ITIH1: variants seen among roughly 807,000 people sequenced by gnomAD.
ITIH1 encodes inter-alpha-trypsin inhibitor heavy chain 1.
Under a neutral mutation model 104.6 loss-of-function variants are expected in ITIH1, and 94 were observed. The observed-to-expected ratio is 0.90, with a 90% CI of 0.76 to 1.07. The LOEUF (loss-of-function observed/expected upper bound fraction) is 1.07. Among genes scored for constraint, ITIH1 ranks in the 50% least tolerant of loss-of-function variants. The probability of loss-of-function intolerance (pLI) is 0.00; values close to 1 mark genes in which losing one functional copy is unlikely to be tolerated. For missense variants in ITIH1, 1,193 were observed against 1,181.4 expected (o/e 1.01, Z -0.14); for synonymous variants, 455 against 464.4 (o/e 0.98, Z 0.26).
At position 52,787,195 on chromosome 3, in the gene ITIH1, G is replaced by T; in HGVS notation, c.1896G>T (p.Pro632=). ...PTIDKPSEDS[P]PLEMLGPRRT... ...TCTTTCTCTCCCTTCCAGATTCTCCGCCTTTGGGTGAGTTTTAAATTGCAT... is the reference window on the plus strand; with the variant it reads ...TCTTTCTCTCCCTTCCAGATTCTCCTCCTTTGGGTGAGTTTTAAATTGCAT... Residue 632 remains proline, a synonymous_variant, in exon 15 of 22, where the codon CCG becomes CCT. Transcript: ENST00000273283. 6.2e-7 allele frequency: 1 copy of T among 1,614,004 alleles called. No individual in the cohort carries two copies. Among genetic ancestry groups the T allele is most frequent in the Non-Finnish European group, 8.5e-7 (1 of 1,180,024 alleles).
In ITIH1 at chr3:52,780,400, G is replaced by C. The variant is rs1373030500; in HGVS notation, c.687+18G>C. ...GAAAAAAGGTACATGGGATAGCAAG[G>C]GGGTGGTGGTGGGCCCTTTGGAGAC... On this transcript the variant is annotated intron_variant, in intron 6 of 21. Transcript: ENST00000273283. 6.3e-7 allele frequency: 1 copy of C among 1,578,148 alleles called. No homozygotes were observed. Among genetic ancestry groups the C allele is most frequent in the African/African-American group, 1.3e-5 (1 of 74,156 alleles).
chr3:52,783,050 G>T lies in ITIH1; in HGVS notation c.1024G>T (p.Gly342Cys), dbSNP rs1440048149. The T allele has an allele frequency of 6.2e-7, 1 of 1,613,978 alleles. No individual in the cohort carries two copies. ...LFGTRVQSWKGSLVQASEANL... is the reference protein window; with the variant it reads ...LFGTRVQSWKCSLVQASEANL... ...TGGGACTCGAGTACAATCGTGGAAG[G>T]GCTCGCTGGTGCAAGCATCTGAGGC... is the stretch of plus-strand genomic sequence containing the variant. Residue 342 changes from glycine to cysteine, a missense_variant, in exon 9 of 22, where the codon GGC becomes TGC. Gly to Cys is a radical substitution (Grantham distance 159, BLOSUM62 -3). Transcript: ENST00000273283.
chr3:52,779,676 T>C lies in ITIH1; in HGVS notation c.573+82T>C, dbSNP rs1398581201. 2 of 1,501,726 alleles carry C rather than the reference T, an allele frequency of 1.3e-6. No homozygotes were observed. The highest frequency in any genetic ancestry group is 3.4e-5 in the Admixed American group (2 of 59,690). The allele number at this position is 1,501,726 out of a possible 1,614,324, so 93.0% of individuals were successfully genotyped here. On this transcript the variant is annotated intron_variant, in intron 5 of 21. Coordinates refer to ENST00000273283, the MANE Select transcript of ITIH1 (RefSeq NM_002215.4). The surrounding 1 kb of genome is among the most constrained non-coding windows in gnomAD (Gnocchi z 4.4). ...CAACACTGGTTGAGCACCCACCATG[T>C]GTCACCACCCAGGCCTGAGAACACA...
Position 52,779,615 on chromosome 3 carries a change from C to T in ITIH1, c.573+21C>T. The T allele has an allele frequency of 6.2e-7, 1 of 1,613,672 alleles. No individual in the cohort carries two copies. The highest frequency in any genetic ancestry group is 8.5e-7 in the Non-Finnish European group (1 of 1,179,668). On this transcript the variant is annotated intron_variant, in intron 5 of 21. Transcript: ENST00000273283. The surrounding 1 kb of genome is among the most constrained non-coding windows in gnomAD (Gnocchi z 4.4). ...TTGAGGTAGATCACAGGTCCCGGGG[C>T]AGGGGTCCTGCCCCTCTCTCCGTCA...
chr3:52,782,232 A>T lies in ITIH1; in HGVS notation c.895A>T (p.Ile299Phe). Reference sequence around the variant, plus strand: ...CAAGAACGTGGTTTTTGTGATTGACATCAGTGGCTCCATGAGAGGCCAGAA... The same window carrying T: ...CAAGAACGTGGTTTTTGTGATTGACTTCAGTGGCTCCATGAGAGGCCAGAA... Reference protein sequence around the residue: ...MNKNVVFVIDISGSMRGQKVK... With the variant: ...MNKNVVFVIDFSGSMRGQKVK... Residue 299 changes from isoleucine to phenylalanine, a missense_variant, in exon 8 of 22, where the codon ATC (isoleucine) becomes TTC (phenylalanine). Transcript: ENST00000273283. 6.2e-7 allele frequency: 1 copy of T among 1,614,166 alleles called. No individual in the cohort carries two copies. The highest frequency in any genetic ancestry group is 8.5e-7 in the Non-Finnish European group (1 of 1,180,020).
In ITIH1 at chr3:52,779,791, G is replaced by A; in HGVS notation, c.573+197G>A. The A allele has an allele frequency of 9.4e-7, 1 of 1,064,930 alleles. No homozygotes were observed. Among genetic ancestry groups the A allele is most frequent in the Non-Finnish European group, 1.3e-6 (1 of 755,922 alleles). 66.0% of individuals were successfully genotyped at this position (1,064,930 alleles called of 1,614,324 possible). ...ATTCTCTAACTTCCTCTTTATCTCT[G>A]AGCTTCGGTTTGCTCATCTGCTAGA... On this transcript the variant is annotated intron_variant, in intron 5 of 21. Coordinates refer to ENST00000273283, the MANE Select transcript of ITIH1 (RefSeq NM_002215.4). This position sits in a 1 kb window ranked among gnomAD's most constrained non-coding sequence, Gnocchi z 4.4.
At chr3:52,785,813 C>T (rs535444412) in intron 12 of ITIH1, among the ~76,000 whole-genome samples, 15 of 152,338 alleles carry the variant, frequency 9.8e-5, no homozygotes, top group African/African-American at 3.6e-4. Context: ...CTTTTCTGTA[C>T]CATACTGCAT....
intron 13 of ITIH1, 146 bp downstream of exon 13, chr3:52,786,580 C>A (rs1699210376): frequency 1.2e-6 from 1 of 863,254 alleles, no homozygotes; most frequent in Non-Finnish European, 1.8e-6. Flanking sequence ...TTAATATCAA[C>A]CAGTCAGTCA....
Position 52,786,330 on chromosome 3 carries a change from T to C in ITIH1, c.1629T>C (p.Asp543=). Residue 543 remains aspartate (D), a synonymous_variant, in exon 13 of 22, where the codon GAT becomes GAC. Transcript: ENST00000273283. The part of the protein sequence containing the change: ...GQEFSITCLV[D]EEEMKKLLRE... Reference sequence around the variant, plus strand: ...AATTCAGTATAACCTGCCTAGTGGATGAGGAGGAGATGAAGAAACTGCTCC... The same window carrying C: ...AATTCAGTATAACCTGCCTAGTGGACGAGGAGGAGATGAAGAAACTGCTCC... The C allele has an allele frequency of 6.4e-7, 1 of 1,573,302 alleles. No homozygotes were observed. Among genetic ancestry groups the C allele is most frequent in the South Asian group, 1.2e-5 (1 of 85,624 alleles).
chr3:52,787,985 G>A lies in ITIH1; in HGVS notation c.1925-1G>A, dbSNP rs113674009. The A allele has an allele frequency of 8.7e-6, 14 of 1,613,614 alleles. No individual in the cohort carries two copies. The highest frequency in any genetic ancestry group is 1.7e-5 in the Admixed American group (1 of 59,972). On this transcript the variant is annotated splice_acceptor_variant, in intron 16 of 21. Transcript: ENST00000273283. LOFTEE classifies it high-confidence loss of function. The stretch of plus-strand genomic sequence containing the variant: ...CTAAATGCCACTCCCCCTCCCATCA[G>A]CGTTCGTGCTGTCAGCCTTGCAGCC...
In ITIH1 at chr3:52,780,402, G is replaced by T; in HGVS notation, c.687+20G>T. 6.5e-7 allele frequency: 1 copy of T among 1,547,722 alleles called. No homozygotes were observed. The highest frequency in any genetic ancestry group is 8.9e-7 in the Non-Finnish European group (1 of 1,122,690). ...AAAAAGGTACATGGGATAGCAAGGG[G>T]GTGGTGGTGGGCCCTTTGGAGACTT... is the stretch of plus-strand genomic sequence containing the variant. On this transcript the variant is annotated intron_variant, in intron 6 of 21. Coordinates refer to ENST00000273283, the MANE Select transcript of ITIH1 (RefSeq NM_002215.4).
At chr3:52,778,305 G>A (rs1228948072) in intron 2 of ITIH1, 35 bp from the exon 3 acceptor site, 1 of 1,607,316 alleles carries the variant, frequency 6.2e-7, no homozygotes, top group African/African-American at 1.3e-5. Context: ...CAGAGGCCCT[G>A]TCTCAGGCCA....
chr3:52,781,838 AACACAC>A, intron 6 of ITIH1, 96 bp from the exon 7 acceptor site: 9 of 1,373,216 alleles, frequency 6.6e-6, no homozygotes, highest in South Asian at 1.4e-5. Flanking sequence ...TGTCCGTGCA[AACACAC>A]ACACACACAC....
At chr3:52,777,919 C>T (rs1698944434) in intron 1 of ITIH1, 78 bp from the exon 2 acceptor site, 2 of 1,563,316 alleles carry the variant, frequency 1.3e-6, no homozygotes, top group East Asian at 4.5e-5. Context: ...AGGCTGTGTT[C>T]CACTCCCATC....
chr3:52,781,275 T>TTCTTCTTCTTCC (rs1229768018), intron 6 of ITIH1, among the ~76,000 whole-genome samples: 2 of 134,566 alleles, frequency 1.5e-5, no homozygotes, highest in Non-Finnish European at 3.2e-5. Context: ...CTTCTTCTTC[T>TTCTTCTTCTTCC]TCTTCTTCTT....
chr3:52,783,927 A>C (rs929630733), intron 10 of ITIH1, among the ~76,000 whole-genome samples: 11 of 152,080 alleles, frequency 7.2e-5, no homozygotes, highest in African/African-American at 2.7e-4. Context: ...AGCTTAAGTC[A>C]TAAAAAGGGT....
In ITIH1 at chr3:52,782,219, T is replaced by G; in HGVS notation, c.882T>G (p.Val294=). 6.2e-7 allele frequency: 1 copy of G among 1,614,080 alleles called. No individual in the cohort carries two copies. The highest frequency in any genetic ancestry group is 8.5e-7 in the Non-Finnish European group (1 of 1,180,014). The part of the protein sequence containing the change: ...QNLTNMNKNV[V]FVIDISGSMR... ...TGACAAACATGAACAAGAACGTGGT[T>G]TTTGTGATTGACATCAGTGGCTCCA... Residue 294 remains valine (V), a synonymous_variant, in exon 8 of 22, where the codon GTT becomes GTG. Coordinates refer to ENST00000273283, the MANE Select transcript of ITIH1 (RefSeq NM_002215.4).
chr3:52,778,024 A>T lies in ITIH1; in HGVS notation c.138+7A>T. 1 of 1,614,196 alleles carries T rather than the reference A, an allele frequency of 6.2e-7. No homozygotes were observed. The highest frequency in any genetic ancestry group is 8.5e-7 in the Non-Finnish European group (1 of 1,180,020). On this transcript the variant is annotated splice_region_variant and intron_variant, in intron 2 of 21. Transcript: ENST00000273283. ...GCGACAGGCTGTGGACACCGTGAGT[A>T]AGAGTCCTGGCAAAGGGGTCTGTGA...
chr3:52,783,094 A>T lies in ITIH1; in HGVS notation c.1068A>T (p.Gln356His). Residue 356 changes from glutamine (Q) to histidine (H), a missense_variant, in exon 9 of 22, where the codon CAA (glutamine) becomes CAT (histidine). Physicochemically the swap from Gln to His is conservative, Grantham distance 24. Transcript: ENST00000273283. Reference protein sequence around the residue: ...QASEANLQAAQDFVRGFSLDE... With the variant: ...QASEANLQAAHDFVRGFSLDE... Reference sequence around the variant, plus strand: ...CTGAGGCCAACCTACAAGCAGCTCAAGACTTTGTGCGGGGCTTTTCCCTGG... The same window carrying T: ...CTGAGGCCAACCTACAAGCAGCTCATGACTTTGTGCGGGGCTTTTCCCTGG... 6.2e-7 allele frequency: 1 copy of T among 1,614,116 alleles called. No individual in the cohort carries two copies. Among genetic ancestry groups the T allele is most frequent in the Non-Finnish European group, 8.5e-7 (1 of 1,180,002 alleles).
Sources: allele counts gnomAD v4.1 joint callset (sites outside exome capture counted in the v4.1 genomes callset), GRCh38; gene constraint gnomAD v4.1.1; non-coding constraint Gnocchi (gnomAD v3.1); transcripts MANE v1.5; gene names NCBI Gene and HGNC (gene_info 2026-07-23, HGNC 2026-07-21).